The following ARID1B variants were observed in gnomAD, a reference collection of about 807,000 sequenced individuals.
ARID1B encodes the protein AT-rich interaction domain 1B, also known as AT-rich interactive domain-containing protein 1B.
In ARID1B, 30 loss-of-function variants were observed where a neutral mutation model predicts 212.3. The observed-to-expected ratio is 0.14, with a 90% CI of 0.11 to 0.19. ARID1B has a LOEUF of 0.19. ARID1B is among the 10% of genes least tolerant of loss of function. The pLI is 1.00. For synonymous variants in ARID1B, 1,402 were observed against 1,301.7 expected, an observed-to-expected ratio of 1.08 and a Z score of -1.66; for missense variants, 2,891 against 3,204.0, an observed-to-expected ratio of 0.90 and a Z score of 2.36.
At position 157,039,609 on chromosome 6, in the gene ARID1B, G is replaced by GCTAC. The variant is rs750708995; in HGVS notation, c.2248-45046_2248-45043dup. Reference sequence around the variant, plus strand: ...GCAAGTATATTTTTGAATTCCAAAAGCTACCTACCTTCCTTCCTTCCTTCC... The same window carrying GCTAC: ...GCAAGTATATTTTTGAATTCCAAAAGCTACCTACCTACCTTCCTTCCTTCCTTCC... On this transcript the variant is annotated intron_variant, in intron 4 of 19. Transcript: ENST00000636930. Among the ~76,000 whole-genome samples, 129 of 138,960 alleles carry GCTAC rather than the reference G, an allele frequency of 9.3e-4. 1 individual carries two copies. The highest frequency in any genetic ancestry group is 2.4e-3 in the Admixed American group (34 of 14,228). 91.2% of individuals were successfully genotyped at this position (138,960 alleles called of 152,430 possible).
intron 1 of ARID1B, among the ~76,000 whole-genome samples, chr6:156,791,318 C>T (rs962326777): frequency 1.3e-5 from 2 of 152,226 alleles, no homozygotes; most frequent in African/African-American, 2.4e-5. Context: ...TTCAGGGACT[C>T]TCAAACTTTC....
intron 6 of ARID1B, among the ~76,000 whole-genome samples, chr6:157,124,402 C>T (rs547391799): frequency 2.0e-5 from 3 of 152,316 alleles, no homozygotes; most frequent in East Asian, 3.9e-4. Context: ...GCTAACTGCA[C>T]GGCCACAGCT....
intron 7 of ARID1B, among the ~76,000 whole-genome samples, chr6:157,142,214 T>C (rs1441099600): frequency 2.0e-5 from 3 of 152,046 alleles, no homozygotes; most frequent in Admixed American, 1.3e-4. Context: ...GGGGATAAGG[T>C]TGACTTATAG....
chr6:156,814,055 T>C (rs1007042164), intron 1 of ARID1B, among the ~76,000 whole-genome samples: 1 of 152,124 alleles, frequency 6.6e-6, no homozygotes, highest in Non-Finnish European at 1.5e-5. Flanking sequence ...TAGAGTAAAT[T>C]TACAAGGTGA....
chr6:157,003,055 G>A (rs1778998093), intron 4 of ARID1B, among the ~76,000 whole-genome samples: 1 of 152,202 alleles, frequency 6.6e-6, no homozygotes, highest in Non-Finnish European at 1.5e-5. Context: ...GGGAGGCCGG[G>A]AGGATGGTGG....
At chr6:157,184,460 G>A (rs1436076070) in intron 13 of ARID1B, 25 bp downstream of exon 13, 1 of 1,613,330 alleles carries the variant, frequency 6.2e-7, no homozygotes, top group Non-Finnish European at 8.5e-7. Flanking sequence ...TGCAGTCACT[G>A]GCCCAGGAAA....
At chr6:156,844,919 C>T (rs117753616) in intron 2 of ARID1B, among the ~76,000 whole-genome samples, 2,316 of 152,316 alleles carry the variant, frequency 0.015, 28 homozygotes, top group Non-Finnish European at 0.025. Context: ...AGTTTATCCT[C>T]AAGCTCTGAT....
At chr6:157,063,427 A>G (rs1367691443) in intron 4 of ARID1B, among the ~76,000 whole-genome samples, 1 of 152,216 alleles carries the variant, frequency 6.6e-6, no homozygotes, top group African/African-American at 2.4e-5. Context: ...TGCGGCTAAT[A>G]AAAAGCCAGT....
At chr6:156,949,232 G>A (rs969756862) in intron 4 of ARID1B, among the ~76,000 whole-genome samples, 2 of 152,092 alleles carry the variant, frequency 1.3e-5, no homozygotes, top group African/African-American at 2.4e-5. Flanking sequence ...GTTTTATAGG[G>A]ATAAAAACAT....
At chr6:157,062,309 G>C (rs1011723843) in intron 4 of ARID1B, among the ~76,000 whole-genome samples, 2 of 151,682 alleles carry the variant, frequency 1.3e-5, no homozygotes, top group Non-Finnish European at 2.9e-5. Context: ...CAGTCTTCCA[G>C]CCTCAGCCTC....
intron 4 of ARID1B, among the ~76,000 whole-genome samples, chr6:157,026,197 GCCA>G (rs1278737910): frequency 1.3e-5 from 2 of 152,236 alleles, no homozygotes; most frequent in Admixed American, 6.5e-5. Context: ...ACAGGCATGA[GCCA>G]CTGCGCCAGG....
Position 157,113,316 on chromosome 6 carries a change from CTG to C in ARID1B, c.2581+2758_2581+2759del, listed in dbSNP as rs545408004. Reference sequence around the variant, plus strand: ...TGATCTCTAAACCTCCTCTGAAAGACTGTGAGAGACATTATTATATTGTTATA... The same window carrying C: ...TGATCTCTAAACCTCCTCTGAAAGACTGAGAGACATTATTATATTGTTATA... On this transcript the variant is annotated intron_variant, in intron 6 of 19. Coordinates refer to ENST00000636930, the MANE Select transcript of ARID1B (RefSeq NM_001374828.1). 2.6e-4 allele frequency among the ~76,000 whole-genome samples: 40 copies of C among 152,334 alleles called. 1 individual carries two copies. In the South Asian group the frequency reaches 7.9e-3, roughly 30 times the overall value.
At chr6:157,036,648 G>C (rs1028243958) in intron 4 of ARID1B, 1 of 335,284 alleles carries the variant, frequency 3.0e-6, no homozygotes, top group African/African-American at 2.2e-5. Context: ...AAACCCAGAC[G>C]GTGACTGGGA....
At chr6:156,988,894 A>T (rs891419989) in intron 4 of ARID1B, among the ~76,000 whole-genome samples, 4 of 152,190 alleles carry the variant, frequency 2.6e-5, no homozygotes, top group African/African-American at 9.7e-5. Flanking sequence ...TGACAGTTGC[A>T]TATGTGCGTT....
At chr6:157,123,365 C>G (rs1039918154) in intron 6 of ARID1B, among the ~76,000 whole-genome samples, 2 of 151,762 alleles carry the variant, frequency 1.3e-5, no homozygotes, top group Non-Finnish European at 2.9e-5. Context: ...CTAAAACTGA[C>G]AAGCTGAGCT....
chr6:156,910,578 T>A (rs955600311), intron 3 of ARID1B, among the ~76,000 whole-genome samples: 2 of 152,224 alleles, frequency 1.3e-5, no homozygotes, highest in Non-Finnish European at 2.9e-5. Flanking sequence ...CGGTCTGCTC[T>A]CTGGGTGTTC....
At chr6:156,983,244 A>G (rs372281707) in intron 4 of ARID1B, among the ~76,000 whole-genome samples, 1 of 151,796 alleles carries the variant, frequency 6.6e-6, no homozygotes, top group East Asian at 1.9e-4. Context: ...AAAACACAAA[A>G]TTTAGCCAGG....
intron 6 of ARID1B, among the ~76,000 whole-genome samples, chr6:157,113,206 C>A (rs1369621068): frequency 1.3e-5 from 2 of 152,162 alleles, no homozygotes; most frequent in Non-Finnish European, 2.9e-5. Context: ...CAGGCATGAG[C>A]CACCGCACCC....
rs150248426 is a variant in ARID1B at position 156,966,284 on chromosome 6, T to G, written c.2247+30708T>G. Among the ~76,000 whole-genome samples, 616 of 152,344 alleles carry G rather than the reference T, an allele frequency of 4.0e-3. 3 individuals are homozygous for G. Among genetic ancestry groups the G allele is most frequent in the Non-Finnish European group, 7.0e-3 (474 of 68,024 alleles). The stretch of plus-strand genomic sequence containing the variant: ...ATTTAAGAAGGCATACTTTAAATTT[T>G]TGTTTATTTTCTCGTTTTGGTAGTG... On this transcript the variant is annotated intron_variant, in intron 4 of 19. Coordinates refer to ENST00000636930, the MANE Select transcript of ARID1B (RefSeq NM_001374828.1).
Sources: gnomAD v4.1 joint callset for allele counts (sites outside exome capture counted in the v4.1 genomes callset) on GRCh38, gnomAD v4.1.1 for gene constraint, MANE v1.5 for transcripts, NCBI Gene and HGNC (gene_info 2026-07-23, HGNC 2026-07-21) for gene names.